Variants in HPGDS observed in about 807,000 individuals in gnomAD.
The protein encoded by HPGDS is hematopoietic prostaglandin D synthase.
A neutral mutation model predicts 23.1 loss-of-function variants in HPGDS; 26 were observed. The observed-to-expected ratio is 1.13, with a 90% CI of 0.83 to 1.56. The LOEUF is 1.56. Ranked by LOEUF, HPGDS falls within the 40% of genes most tolerant of loss-of-function variation. The pLI, the probability that HPGDS is intolerant of heterozygous loss-of-function variation, is 0.00. For synonymous variants in HPGDS, 95 were observed against 77.9 expected, an observed-to-expected ratio of 1.22 and a Z score of -1.16; for missense variants, 268 against 236.4, an observed-to-expected ratio of 1.13 and a Z score of -0.88.
rs184111888 is a variant in HPGDS, at chr4:94,312,271, C to T, written c.227-3528G>A. Among the ~76,000 whole-genome samples, 428 of 152,188 alleles carry T rather than the reference C, an allele frequency of 2.8e-3. 2 individuals are homozygous for T. The highest frequency in any genetic ancestry group is 9.9e-3 in the African/African-American group (411 of 41,498). The stretch of plus-strand genomic sequence containing the variant: ...GATCTTTCCTGCTTTCTCTTGTGGG[C>T]ATTTAGTGCTATAAATTTCCCTCTA... On this transcript the variant is annotated intron_variant, in intron 3 of 5. Transcript: ENST00000295256.
In HPGDS at chr4:94,334,553, T is replaced by C; in HGVS notation, c.77A>G (p.Asp26Gly). The change falls in exon 2 of 6, where the codon GAC (aspartate) becomes GGC (glycine). Residue 26 changes from aspartate to glycine, a missense_variant. By Grantham distance (94) the Asp-to-Gly change is moderately conservative (BLOSUM62 -1). Transcript: ENST00000295256. ...EIIRYIFAYLDIQYEDHRIEQ... is the reference protein window; with the variant it reads ...EIIRYIFAYLGIQYEDHRIEQ... Reference sequence around the variant, plus strand: ...TATTCTGTGGTCTTCATACTGTATGTCCAAATAAGCAAATATGTAACGAAT... The same window carrying C: ...TATTCTGTGGTCTTCATACTGTATGCCCAAATAAGCAAATATGTAACGAAT... 6.2e-7 allele frequency: 1 copy of C among 1,613,302 alleles called. No individual in the cohort carries two copies. The highest frequency in any genetic ancestry group is 2.2e-5 in the East Asian group (1 of 44,802).
intron 3 of HPGDS, among the ~76,000 whole-genome samples, chr4:94,315,154 A>G (rs1310390438): frequency 1.3e-5 from 2 of 150,490 alleles, no homozygotes; most frequent in Admixed American, 6.7e-5. Flanking sequence ...TCCTGCACCT[A>G]CTGTCTGACA....
At chr4:94,312,016 G>T (rs1756284791) in intron 3 of HPGDS, among the ~76,000 whole-genome samples, 2 of 151,972 alleles carry the variant, frequency 1.3e-5, no homozygotes, top group Non-Finnish European at 2.9e-5. Flanking sequence ...GCATCTATTT[G>T]ATTCTTCTCT....
At chr4:94,311,606 T>C (rs891950159) in intron 3 of HPGDS, among the ~76,000 whole-genome samples, 1 of 151,306 alleles carries the variant, frequency 6.6e-6, no homozygotes, top group Admixed American at 6.6e-5. Flanking sequence ...TCTCTTTTTT[T>C]GTTGTGTCTC....
At chr4:94,342,422 G>T (rs1346329080) in intron 1 of HPGDS, among the ~76,000 whole-genome samples, 1 of 152,198 alleles carries the variant, frequency 6.6e-6, no homozygotes, top group East Asian at 1.9e-4. Flanking sequence ...GAACAGCCAT[G>T]AGATAATATT....
intron 2 of HPGDS, among the ~76,000 whole-genome samples, chr4:94,322,960 G>A (rs1446196235): frequency 5.9e-5 from 9 of 152,296 alleles, no homozygotes; most frequent in South Asian, 4.2e-4. Context: ...CTGGTACATT[G>A]TGTCTTTGTT....
chr4:94,330,401 C>A (rs190102189), intron 2 of HPGDS, among the ~76,000 whole-genome samples: 1 of 152,150 alleles, frequency 6.6e-6, no homozygotes, highest in African/African-American at 2.4e-5. Context: ...CTTCACTCAG[C>A]ACATTTGTAT....
intron 2 of HPGDS, among the ~76,000 whole-genome samples, chr4:94,333,485 A>C (rs1031273467): frequency 1.3e-5 from 2 of 152,210 alleles, no homozygotes; most frequent in African/African-American, 4.8e-5. Context: ...CAAGAAACCT[A>C]ATCTTTGACA....
chr4:94,321,065 A>G (rs1756497744), intron 2 of HPGDS, among the ~76,000 whole-genome samples: 1 of 152,102 alleles, frequency 6.6e-6, no homozygotes, highest in Admixed American at 6.5e-5. Flanking sequence ...CAAAGATCAG[A>G]TGGTTGTAGA....
At chr4:94,314,560 C>G (rs1056094190) in intron 3 of HPGDS, among the ~76,000 whole-genome samples, 4 of 152,136 alleles carry the variant, frequency 2.6e-5, no homozygotes, top group Non-Finnish European at 5.9e-5. Flanking sequence ...CTCGGGGGTG[C>G]CTCCCAGTTA....
chr4:94,327,424 T>A (rs1756653991), intron 2 of HPGDS, among the ~76,000 whole-genome samples: 1 of 152,036 alleles, frequency 6.6e-6, no homozygotes, highest in African/African-American at 2.4e-5. Context: ...GACCCCTGGA[T>A]AATGTGCTTG....
intron 3 of HPGDS, among the ~76,000 whole-genome samples, chr4:94,309,244 A>G (rs1348333042): frequency 2.6e-5 from 4 of 151,152 alleles, no homozygotes; most frequent in African/African-American, 4.9e-5. Flanking sequence ...TACATTAGGT[A>G]TATCTCCTAA....
intron 2 of HPGDS, among the ~76,000 whole-genome samples, chr4:94,323,182 A>T (rs909246063): frequency 6.6e-6 from 1 of 152,180 alleles, no homozygotes; most frequent in African/African-American, 2.4e-5. Context: ...TTTACTTCCA[A>T]CTATGTGGTC....
chr4:94,337,032 T>C (rs1450717955), intron 1 of HPGDS, among the ~76,000 whole-genome samples: 1 of 152,162 alleles, frequency 6.6e-6, no homozygotes, highest in African/African-American at 2.4e-5. Flanking sequence ...TGGCTCAATC[T>C]GGGCTCACTG....
At chr4:94,306,790 G>A (rs1279812004) in intron 4 of HPGDS, among the ~76,000 whole-genome samples, 1 of 151,986 alleles carries the variant, frequency 6.6e-6, no homozygotes, top group Non-Finnish European at 1.5e-5. Context: ...CCAAGAGACG[G>A]GAAATAGGAA....
intron 1 of HPGDS, among the ~76,000 whole-genome samples, chr4:94,337,653 G>A (rs958582367): frequency 2.6e-5 from 4 of 151,896 alleles, no homozygotes; most frequent in East Asian, 1.9e-4. Context: ...CCAGCCTGGG[G>A]GACAGGGCAA....
At chr4:94,316,079 C>T (rs1756391736) in intron 3 of HPGDS, among the ~76,000 whole-genome samples, 1 of 152,108 alleles carries the variant, frequency 6.6e-6, no homozygotes, top group South Asian at 2.1e-4. Flanking sequence ...GTGACTCAGC[C>T]CCAAGTAGTG....
At chr4:94,341,815 A>C (rs1721179844) in intron 1 of HPGDS, among the ~76,000 whole-genome samples, 1 of 152,178 alleles carries the variant, frequency 6.6e-6, no homozygotes, top group South Asian at 2.1e-4. Context: ...TTACACTCCT[A>C]TTATATAGAC....
intron 2 of HPGDS, among the ~76,000 whole-genome samples, chr4:94,326,175 G>A (rs1756628388): frequency 6.6e-6 from 1 of 152,084 alleles, no homozygotes; most frequent in South Asian, 2.1e-4. Flanking sequence ...TTGACAGTTT[G>A]ACTTTAATGT....
Sources: allele counts gnomAD v4.1 joint callset (sites outside exome capture counted in the v4.1 genomes callset), GRCh38; gene constraint gnomAD v4.1.1; transcripts MANE v1.5; gene names NCBI Gene and HGNC (gene_info 2026-07-23, HGNC 2026-07-21).